Variants in OLFM3 observed in about 807,000 individuals in gnomAD.
OLFM3 encodes the protein noelin-3.
Under a neutral mutation model 48.6 loss-of-function variants are expected in OLFM3, and 20 were observed. The observed-to-expected ratio is 0.41, with a 90% CI of 0.29 to 0.60. OLFM3 has a LOEUF of 0.60. Ranked by LOEUF, OLFM3 falls within the 20% of genes least tolerant of loss-of-function variation. OLFM3 has a pLI of 0.28. For synonymous variants in OLFM3, 222 were observed against 198.1 expected (o/e 1.12, Z -1.01); for missense variants, 437 against 544.3 (o/e 0.80, Z 1.96).
chr1:101,875,986 G>C (rs967357931), intron 1 of OLFM3, among the ~76,000 whole-genome samples: 1 of 151,978 alleles, frequency 6.6e-6, no homozygotes, highest in Non-Finnish European at 1.5e-5. Flanking sequence ...CATGCTAAAA[G>C]AGAATTTATC....
intron 1 of OLFM3, among the ~76,000 whole-genome samples, chr1:101,891,726 T>C (rs1287723278): frequency 6.6e-6 from 1 of 151,960 alleles, no homozygotes; most frequent in Non-Finnish European, 1.5e-5. Context: ...TAAATGTTAG[T>C]GGCCAAATCT....
intron 2 of OLFM3, among the ~76,000 whole-genome samples, chr1:101,831,105 TA>T (rs1655129121): frequency 6.6e-6 from 1 of 152,198 alleles, no homozygotes; most frequent in Non-Finnish European, 1.5e-5. Context: ...AAATAAGCTT[TA>T]AAAATAGAAT....
At chr1:101,847,002 G>T in intron 1 of OLFM3, 2 of 1,588,870 alleles carry the variant, frequency 1.3e-6, no homozygotes, top group South Asian at 2.3e-5. Context: ...TTTTCATAGT[G>T]ACTGATTAAG....
intron 1 of OLFM3, among the ~76,000 whole-genome samples, chr1:101,873,020 A>T (rs1053248257): frequency 1.3e-5 from 2 of 152,018 alleles, no homozygotes; most frequent in Non-Finnish European, 2.9e-5. Flanking sequence ...TGAATACTTA[A>T]AATTTTGAGA....
chr1:101,865,036 C>G (rs190897894), intron 1 of OLFM3, among the ~76,000 whole-genome samples: 4 of 152,290 alleles, frequency 2.6e-5, no homozygotes, highest in Admixed American at 1.3e-4. Context: ...TTTAGCTTAA[C>G]TCCTTGGCTT....
intron 1 of OLFM3, among the ~76,000 whole-genome samples, chr1:101,890,419 GAA>G (rs1657946042): frequency 6.6e-6 from 1 of 151,696 alleles, no homozygotes; most frequent in Non-Finnish European, 1.5e-5. Context: ...CTATTGTGAG[GAA>G]ATCTTGCCAG....
intron 1 of OLFM3, among the ~76,000 whole-genome samples, chr1:101,886,941 G>T (rs1189330798): frequency 6.6e-6 from 1 of 151,922 alleles, no homozygotes. Context: ...TTCCTCCTAT[G>T]GACTACCCTC....
At chr1:101,959,999 T>G (rs973165095) in intron 1 of OLFM3, among the ~76,000 whole-genome samples, 2 of 152,288 alleles carry the variant, frequency 1.3e-5, no homozygotes, top group Non-Finnish European at 1.5e-5. Context: ...AGTCTCTCTA[T>G]AGAGGATAAA....
chr1:101,822,524 G>T (rs1457795703), intron 4 of OLFM3, among the ~76,000 whole-genome samples: 1 of 152,016 alleles, frequency 6.6e-6, no homozygotes, highest in Non-Finnish European at 1.5e-5. Context: ...TATAACAAAT[G>T]GACCTCCTCC....
At chr1:101,900,690 A>G (rs1658361292) in intron 1 of OLFM3, among the ~76,000 whole-genome samples, 1 of 152,100 alleles carries the variant, frequency 6.6e-6, no homozygotes, top group African/African-American at 2.4e-5. Flanking sequence ...AAAGCTAAAT[A>G]AAGTAAAGAA....
intron 1 of OLFM3, among the ~76,000 whole-genome samples, chr1:101,847,545 A>G (rs1656056319): frequency 6.6e-6 from 1 of 152,052 alleles, no homozygotes; most frequent in Non-Finnish European, 1.5e-5. Context: ...TTTTTTAGAA[A>G]GTAACCTAAA....
intron 1 of OLFM3, among the ~76,000 whole-genome samples, chr1:101,965,290 A>G (rs1233862329): frequency 3.3e-5 from 5 of 152,226 alleles, no homozygotes. Flanking sequence ...TAATCAAAAG[A>G]AGAATAAAAT....
chr1:101,863,780 A>G lies in OLFM3; in HGVS notation c.70-26755T>C, dbSNP rs184351793. Among the ~76,000 whole-genome samples, 381 of 152,342 alleles carry G rather than the reference A, an allele frequency of 2.5e-3. 2 individuals are homozygous for G. The highest frequency in any genetic ancestry group is 6.1e-3 in the Admixed American group (93 of 15,300). ...CCAACAAACGCTGTCTGCTAAAGTG[A>G]AGTTCCATTGCAGAAGACATGGTTA... On this transcript the variant is annotated intron_variant, in intron 1 of 5. Coordinates refer to ENST00000370103, the MANE Select transcript of OLFM3 (RefSeq NM_058170.4).
intron 1 of OLFM3, among the ~76,000 whole-genome samples, chr1:101,889,265 A>T (rs1244639062): frequency 2.0e-5 from 3 of 152,166 alleles, no homozygotes; most frequent in Admixed American, 6.5e-5. Context: ...ATGTCCCTCA[A>T]TGACAGACTG....
chr1:101,928,129 C>G (rs1659330925), intron 1 of OLFM3, among the ~76,000 whole-genome samples: 1 of 152,074 alleles, frequency 6.6e-6, no homozygotes, highest in African/African-American at 2.4e-5. Context: ...GCTGCCGCAA[C>G]TAATTTACAA....
intron 1 of OLFM3, among the ~76,000 whole-genome samples, chr1:101,915,347 C>T (rs1658887904): frequency 6.7e-6 from 1 of 149,932 alleles, no homozygotes; most frequent in African/African-American, 2.5e-5. Context: ...ATTTAATCCT[C>T]TTGGGATTTA....
chr1:101,912,563 A>T (rs1333881896), intron 1 of OLFM3, among the ~76,000 whole-genome samples: 3 of 152,248 alleles, frequency 2.0e-5, no homozygotes, highest in African/African-American at 7.2e-5. Flanking sequence ...TTTGAACTAC[A>T]CTTATTCACA....
At chr1:101,812,052 G>A (rs961663553) in intron 4 of OLFM3, among the ~76,000 whole-genome samples, 2 of 152,046 alleles carry the variant, frequency 1.3e-5, no homozygotes, top group African/African-American at 2.4e-5. Flanking sequence ...GGATGAAGCT[G>A]GAAACCATCA....
intron 1 of OLFM3, among the ~76,000 whole-genome samples, chr1:101,874,620 A>C (rs186855114): frequency 7.8e-4 from 118 of 152,068 alleles, no homozygotes; most frequent in African/African-American, 2.8e-3. Flanking sequence ...GGCAAGTGTC[A>C]ACTTGTTACT....
Sources: gnomAD v4.1 joint callset for allele counts (sites outside exome capture counted in the v4.1 genomes callset) on GRCh38, gnomAD v4.1.1 for gene constraint, MANE v1.5 for transcripts, NCBI Gene and HGNC (gene_info 2026-07-23, HGNC 2026-07-21) for gene names.